The following VWDE variants were observed in gnomAD, a reference collection of about 807,000 sequenced individuals.
VWDE encodes the protein von Willebrand factor D and EGF domain-containing protein.
VWDE carries 207 observed loss-of-function variants against 178.4 expected under a neutral mutation model. That is an observed-to-expected ratio of 1.16 (90% CI 1.04 to 1.30). VWDE has a LOEUF of 1.30. VWDE is among the 50% of genes most tolerant of loss of function. The pLI, the probability that VWDE is intolerant of heterozygous loss-of-function variation, is 0.00. For missense variants in VWDE, 2,287 were observed against 1,901.3 expected, an observed-to-expected ratio of 1.20 and a Z score of -3.77; for synonymous variants, 738 against 651.4, an observed-to-expected ratio of 1.13 and a Z score of -2.02.
rs1351969166 is a variant in VWDE, at chr7:12,337,012, A to G, written c.4534T>C (p.Trp1512Arg). The G allele has an allele frequency of 6.4e-7, 1 of 1,551,446 alleles. No individual in the cohort carries two copies. Among genetic ancestry groups the G allele is most frequent in the Admixed American group, 2.0e-5 (1 of 50,970 alleles). ...GPSTCSCPSG[W>R]SGKRCNTPIC... is the part of the protein sequence containing the mutation. ...CGTGTGTTGCATCGTTTCCCACTCCAACCAGAAGGACAAGAGCAAGTGCTT... is the reference window on the plus strand; with the variant it reads ...CGTGTGTTGCATCGTTTCCCACTCCGACCAGAAGGACAAGAGCAAGTGCTT... Residue 1512 changes from tryptophan to arginine, a missense_variant, in exon 26 of 29, where the codon TGG becomes CGG. Transcript: ENST00000275358.
intron 1 of VWDE, among the ~76,000 whole-genome samples, chr7:12,403,447 C>T (rs1253416372): frequency 6.6e-6 from 1 of 152,184 alleles, no homozygotes; most frequent in African/African-American, 2.4e-5. Flanking sequence ...ACCGCATGTG[C>T]GCAAAAGAAA....
rs1276334282 is a variant in VWDE at position 12,331,064 on chromosome 7, A to G, written c.*119T>C. 1 of 703,916 alleles carries G rather than the reference A, an allele frequency of 1.4e-6. No individual in the cohort carries two copies. The highest frequency in any genetic ancestry group is 2.9e-5 in the East Asian group (1 of 34,258). The allele number at this position is 703,916 out of a possible 1,614,324, so 43.6% of individuals were successfully genotyped here. A position where few individuals can be genotyped will look rare whatever the true frequency, so the allele number is the denominator to read the frequency against. Reference sequence around the variant, plus strand: ...CATTATGTATTTTATTAGTTTCTTCAGTCTTTAAGATATTTTTTGAATGAT... The same window carrying G: ...CATTATGTATTTTATTAGTTTCTTCGGTCTTTAAGATATTTTTTGAATGAT... On this transcript the variant is annotated 3_prime_UTR_variant, in exon 29 of 29. Transcript: ENST00000275358.
In VWDE at chr7:12,369,647, C is replaced by T. The variant is rs1272443930; in HGVS notation, c.2659G>A (p.Val887Ile). Reference protein sequence around the residue: ...YGTSIEDILSVLKCPNLCSGN... With the variant: ...YGTSIEDILSILKCPNLCSGN... ...CTGCATAAATTGGGGCATTTTAATA[C>T]TGAGAGAATGTCTTCAATTGATGTG... is the stretch of plus-strand genomic sequence containing the variant. The change falls in exon 12 of 29, where the codon GTA becomes ATA. Residue 887 changes from valine to isoleucine, a missense_variant. By Grantham distance (29) the Val-to-Ile change is conservative. Transcript: ENST00000275358. The T allele has an allele frequency of 1.3e-6, 2 of 1,551,622 alleles. No individual in the cohort carries two copies. Among genetic ancestry groups the T allele is most frequent in the Non-Finnish European group, 1.7e-6 (2 of 1,146,888 alleles).
Position 12,369,816 on chromosome 7 carries a change from T to C in VWDE, c.2490A>G (p.Arg830=). The C allele has an allele frequency of 1.3e-6, 2 of 1,551,526 alleles. No homozygotes were observed. The highest frequency in any genetic ancestry group is 1.7e-6 in the Non-Finnish European group (2 of 1,146,890). The change falls in exon 12 of 29, where the codon AGA becomes AGG. Residue 830 remains arginine (R), a synonymous_variant. Transcript: ENST00000275358. Reference sequence around the variant, plus strand: ...CACACATCTCTATAACACTGTCTAATCTCTTGCCAAGAAAAGCAAGACACA... The same window carrying C: ...CACACATCTCTATAACACTGTCTAACCTCTTGCCAAGAAAAGCAAGACACA... ...GRLCLAFLGK[R]LDSVIEMCVK...
rs968291560 is a variant in VWDE at position 12,343,221 on chromosome 7, A to T, written c.4079-43T>A. 4.9e-6 allele frequency: 7 copies of T among 1,416,304 alleles called. No individual in the cohort carries two copies. The Admixed American group carries it at 1.2e-4, about 25-fold the overall frequency. The allele number at this position is 1,416,304 out of a possible 1,614,324, so 87.7% of individuals were successfully genotyped here. On this transcript the variant is annotated intron_variant, in intron 21 of 28. Transcript: ENST00000275358. ...GTTATTATGTCAGTTCTTAATTTTT[A>T]AAAAGTCAGTTTATATTTATAAAGC... is the stretch of plus-strand genomic sequence containing the variant.
Position 12,361,405 on chromosome 7 carries a change from A to G in VWDE, c.3015T>C (p.Asp1005=). The change falls in exon 14 of 29, where the codon GAT becomes GAC. Residue 1005 remains aspartate, a synonymous_variant. Coordinates refer to ENST00000275358, the MANE Select transcript of VWDE (RefSeq NM_001135924.3). ...TCCCAGTTGGTTTCCCACCCACCAG[A>G]TCCATGGTATCAAACTGCTGAACAT... The part of the protein sequence containing the change: ...PTDVQQFDTM[D]LVGGKPTGKW... 2 of 1,551,016 alleles carry G rather than the reference A, an allele frequency of 1.3e-6. No homozygotes were observed. The highest frequency in any genetic ancestry group is 1.7e-6 in the Non-Finnish European group (2 of 1,146,634).
At chr7:12,343,360 C>G (rs370656703) in intron 21 of VWDE, among the ~76,000 whole-genome samples, 182 bp from the exon 22 acceptor site, 1 of 152,138 alleles carries the variant, frequency 6.6e-6, no homozygotes, top group East Asian at 1.9e-4. Context: ...GAAACACTTA[C>G]AAATCAACAG....
At position 12,356,172 on chromosome 7, in the gene VWDE, A is replaced by T. The variant is rs1220924720; in HGVS notation, c.3684T>A (p.Gly1228=). ...DISGCQSNPC[G]LGSYISGFHS... is the part of the protein sequence containing the mutation. ...GAAAACCACTAATATAGCTGCCAAG[A>T]CCACAAGGGTTGGATTGGCACCCAC... is the stretch of plus-strand genomic sequence containing the variant. The change falls in exon 18 of 29, where the codon GGT becomes GGA. Residue 1228 remains glycine (G), a synonymous_variant. Coordinates refer to ENST00000275358, the MANE Select transcript of VWDE (RefSeq NM_001135924.3). 1 of 1,551,534 alleles carries T rather than the reference A, an allele frequency of 6.4e-7. No homozygotes were observed. Among genetic ancestry groups the T allele is most frequent in the Non-Finnish European group, 8.7e-7 (1 of 1,146,956 alleles).
chr7:12,403,511 G>C (rs944090949), intron 1 of VWDE, 148 bp downstream of exon 1: 25 of 687,644 alleles, frequency 3.6e-5, no homozygotes, highest in African/African-American at 9.1e-5. Flanking sequence ...CAGAGGGACA[G>C]AGAGGAGGCG....
chr7:12,381,566 G>T (rs1783852559), intron 4 of VWDE, among the ~76,000 whole-genome samples: 1 of 151,898 alleles, frequency 6.6e-6, no homozygotes, highest in Admixed American at 6.6e-5. Flanking sequence ...CTTTTCTGTG[G>T]AGAAAATGTA....
At chr7:12,333,646 G>C in intron 27 of VWDE, 78 bp from the exon 28 acceptor site, 1 of 943,590 alleles carries the variant, frequency 1.1e-6, no homozygotes, top group East Asian at 2.6e-5. Context: ...GTGGTCTGGG[G>C]CTATCTGGTG....
chr7:12,370,446 T>C lies in VWDE; in HGVS notation c.1860A>G (p.Pro620=). The C allele has an allele frequency of 6.5e-7, 1 of 1,543,728 alleles. No homozygotes were observed. The highest frequency in any genetic ancestry group is 8.7e-7 in the Non-Finnish European group (1 of 1,146,678). ...LPVSMTSPGK[P]SYCSCSLDTA... ...TGTCCAATGAACAGCTACAATAGGATGGCTTTCCAGGTGATGTCATAGAAA... is the reference window on the plus strand; with the variant it reads ...TGTCCAATGAACAGCTACAATAGGACGGCTTTCCAGGTGATGTCATAGAAA... The change falls in exon 12 of 29, where the codon CCA becomes CCG. Residue 620 remains proline (P), a synonymous_variant. Coordinates refer to ENST00000275358, the MANE Select transcript of VWDE (RefSeq NM_001135924.3).
intron 23 of VWDE, 82 bp from the exon 24 acceptor site, chr7:12,340,499 C>T: frequency 1.1e-6 from 1 of 947,782 alleles, no homozygotes; most frequent in Non-Finnish European, 1.6e-6. Flanking sequence ...CAAAATGGTG[C>T]ATAATGAAAT....
In VWDE at chr7:12,403,388, G is replaced by A. The variant is rs143096155; in HGVS notation, c.58+271C>T. On this transcript the variant is annotated intron_variant, in intron 1 of 28. Transcript: ENST00000275358. ...ACCTCAAAGAGCAGGATAACAGCAGGAAACAACCAAAAACAGAACCAAGGG... is the reference window on the plus strand; with the variant it reads ...ACCTCAAAGAGCAGGATAACAGCAGAAAACAACCAAAAACAGAACCAAGGG... Among the ~76,000 whole-genome samples the A allele has an allele frequency of 6.4e-3, 970 of 152,256 alleles. 12 individuals carry two copies. The highest frequency in any genetic ancestry group is 0.022 in the African/African-American group (896 of 41,550).
intron 13 of VWDE, among the ~76,000 whole-genome samples, chr7:12,366,454 T>A (rs17149929): frequency 0.73 from 111,274 of 152,038 alleles, 41,152 homozygotes; most frequent in South Asian, 0.82. Flanking sequence ...GCCATGACTA[T>A]TACAATGTCT....
intron 23 of VWDE, among the ~76,000 whole-genome samples, chr7:12,340,675 C>T (rs564960224): frequency 1.3e-5 from 2 of 152,220 alleles, no homozygotes; most frequent in South Asian, 2.1e-4. Context: ...TTTAAAGTGG[C>T]GGTGTTTGTC....
intron 3 of VWDE, 87 bp from the exon 4 acceptor site, chr7:12,383,688 A>G (rs1783964934): frequency 8.7e-7 from 1 of 1,147,498 alleles, no homozygotes; most frequent in Admixed American, 2.1e-5. Flanking sequence ...TTATTGAAGG[A>G]TGATTTAATA....
At chr7:12,383,858 G>C (rs1196148999) in intron 3 of VWDE, among the ~76,000 whole-genome samples, 1 of 152,108 alleles carries the variant, frequency 6.6e-6, no homozygotes, top group African/African-American at 2.4e-5. Flanking sequence ...GTGAGACACT[G>C]ACAACATCAA....
chr7:12,367,199 C>T lies in VWDE; in HGVS notation c.2898+158G>A, dbSNP rs550668167. On this transcript the variant is annotated intron_variant, in intron 13 of 28. Coordinates refer to ENST00000275358, the MANE Select transcript of VWDE (RefSeq NM_001135924.3). The stretch of plus-strand genomic sequence containing the variant: ...TATTTTAATAAAGTTAACAAAGAAG[C>T]GTCAACATTATGTAACTTAATCATT... Among the ~76,000 whole-genome samples the T allele has an allele frequency of 3.3e-5, 5 of 152,096 alleles. No homozygotes were observed. The South Asian group carries it at 1.0e-3, about 32-fold the overall frequency.
Sources: allele counts gnomAD v4.1 joint callset (sites outside exome capture counted in the v4.1 genomes callset), GRCh38; gene constraint gnomAD v4.1.1; transcripts MANE v1.5; gene names NCBI Gene and HGNC (gene_info 2026-07-23, HGNC 2026-07-21).